AKAP12: variants seen among roughly 807,000 people sequenced by gnomAD.
AKAP12 encodes A-kinase anchoring protein 12.
Under a neutral mutation model 79.9 loss-of-function variants are expected in AKAP12, and 32 were observed. That is an observed-to-expected ratio of 0.40 (90% confidence interval 0.30 to 0.54). The LOEUF is 0.54. Among genes scored for constraint, AKAP12 ranks in the 20% least tolerant of loss-of-function variants. The pLI, the probability that AKAP12 is intolerant of heterozygous loss-of-function variation, is 0.48. For missense variants in AKAP12, 2,074 were observed against 2,177.0 expected, an observed-to-expected ratio of 0.95 and a Z score of 0.94; for synonymous variants, 808 against 857.0, an observed-to-expected ratio of 0.94 and a Z score of 1.00.
At chr6:151,314,787 G>A (rs1032994549) in intron 3 of AKAP12, among the ~76,000 whole-genome samples, 1 of 152,162 alleles carries the variant, frequency 6.6e-6, no homozygotes, top group Non-Finnish European at 1.5e-5. Flanking sequence ...GGGCACAGTG[G>A]CTCACGCCTG....
chr6:151,314,530 C>G (rs970737866), intron 3 of AKAP12, among the ~76,000 whole-genome samples: 1 of 152,094 alleles, frequency 6.6e-6, no homozygotes, highest in Non-Finnish European at 1.5e-5. Flanking sequence ...GACTGGCGGT[C>G]AGGACTATGT....
In AKAP12 at chr6:151,240,387, T is replaced by G; in HGVS notation, c.-176T>G. The G allele has an allele frequency of 3.6e-6, 2 of 562,400 alleles. No homozygotes were observed. Among genetic ancestry groups the G allele is most frequent in the South Asian group, 5.2e-5 (1 of 19,208 alleles). 34.8% of individuals were successfully genotyped at this position (562,400 alleles called of 1,614,324 possible). A position where few individuals can be genotyped will look rare whatever the true frequency, so the allele number is the denominator to read the frequency against. On this transcript the variant is annotated 5_prime_UTR_variant, in exon 2 of 5. Coordinates refer to ENST00000402676, the MANE Select transcript of AKAP12 (RefSeq NM_005100.4). Reference sequence around the variant, plus strand: ...TTTTTTTTCCTTTTCTTTTAAGGAGTTTGCCGCGAGCGCGTCTCCTTCATT... The same window carrying G: ...TTTTTTTTCCTTTTCTTTTAAGGAGGTTGCCGCGAGCGCGTCTCCTTCATT...
At chr6:151,282,442 G>T (rs937011420) in intron 2 of AKAP12, among the ~76,000 whole-genome samples, 3 of 152,068 alleles carry the variant, frequency 2.0e-5, no homozygotes, top group Non-Finnish European at 2.9e-5. Context: ...TCCAGCTCAC[G>T]CATGGGGGTT....
chr6:151,315,246 A>G (rs1019788644), intron 3 of AKAP12, among the ~76,000 whole-genome samples: 1 of 152,162 alleles, frequency 6.6e-6, no homozygotes, highest in Non-Finnish European at 1.5e-5. Flanking sequence ...TTTATTACTT[A>G]TAGTTCTGGA....
chr6:151,257,753 A>G (rs1478985389), intron 2 of AKAP12, among the ~76,000 whole-genome samples: 4 of 152,300 alleles, frequency 2.6e-5, no homozygotes, highest in African/African-American at 9.6e-5. Context: ...AATTTACAGT[A>G]TGTGGGAAGT....
chr6:151,352,141 G>A lies in AKAP12; in HGVS notation c.3750G>A (p.Val1250=), dbSNP rs1314122812. The change falls in exon 4 of 5, where the codon GTG becomes GTA. Residue 1250 remains valine (V), a synonymous_variant. Coordinates refer to ENST00000402676, the MANE Select transcript of AKAP12 (RefSeq NM_005100.4). ...CTCTAGAGCATACAGATAAAGAGGT[G>A]TCAGTGGAAACTGTATCCATTCTGT... The part of the protein sequence containing the change: ...EDTLEHTDKE[V]SVETVSILSK... The A allele has an allele frequency of 6.2e-7, 1 of 1,614,182 alleles. No homozygotes were observed. Among genetic ancestry groups the A allele is most frequent in the South Asian group, 1.1e-5 (1 of 91,080 alleles).
chr6:151,267,596 C>T (rs1016112251), intron 2 of AKAP12, among the ~76,000 whole-genome samples: 3 of 152,076 alleles, frequency 2.0e-5, no homozygotes, highest in African/African-American at 7.2e-5. Flanking sequence ...TTCAGAGCAC[C>T]AATCCATTTC....
rs767473708 is a variant in AKAP12 at position 151,305,922 on chromosome 6, AACTGGAAGGC to A, written c.319+22_319+31del. ...ACAGAGGGTAAGCCGCCCCTCCAGG[AACTGGAAGGC>A]ACACAGCACTTGCAACAAACTTTGG... On this transcript the variant is annotated intron_variant, in intron 3 of 4. Transcript: ENST00000402676. 6.3e-7 allele frequency: 1 copy of A among 1,590,442 alleles called. No individual in the cohort carries two copies. Among genetic ancestry groups the A allele is most frequent in the East Asian group, 2.3e-5 (1 of 43,900 alleles).
intron 3 of AKAP12, among the ~76,000 whole-genome samples, chr6:151,307,337 C>T (rs554670267): frequency 1.1e-4 from 17 of 152,258 alleles, no homozygotes; most frequent in East Asian, 1.9e-4. Context: ...CTCACTGTGC[C>T]GGGCAGGTTC....
intron 2 of AKAP12, among the ~76,000 whole-genome samples, chr6:151,253,905 TA>T (rs1797239742): frequency 6.6e-6 from 1 of 151,824 alleles, no homozygotes; most frequent in African/African-American, 2.4e-5. Flanking sequence ...GACGGGGTTT[TA>T]CCATGTTGGC....
At chr6:151,333,071 T>C (rs1309770586) in intron 3 of AKAP12, among the ~76,000 whole-genome samples, 1 of 152,176 alleles carries the variant, frequency 6.6e-6, no homozygotes, top group Admixed American at 6.5e-5. Flanking sequence ...AAATCAAAGA[T>C]GGAGCTTTTT....
At chr6:151,338,669 T>C (rs1377497009) in intron 3 of AKAP12, among the ~76,000 whole-genome samples, 1 of 152,170 alleles carries the variant, frequency 6.6e-6, no homozygotes, top group Non-Finnish European at 1.5e-5. Context: ...CAGGCTGGTC[T>C]CGAACTCCTG....
intron 2 of AKAP12, among the ~76,000 whole-genome samples, chr6:151,252,965 G>A (rs778690037): frequency 1.1e-4 from 16 of 152,110 alleles, no homozygotes; most frequent in Admixed American, 2.6e-4. Flanking sequence ...AGACATTTTC[G>A]CTTTGTAATT....
Position 151,357,923 on chromosome 6 carries a change from C to T in AKAP12, c.*2209C>T, listed in dbSNP as rs546968636. On this transcript the variant is annotated 3_prime_UTR_variant, in exon 5 of 5. Transcript: ENST00000402676. ...AATTGACGTTTTTGTTTAAATTCCA[C>T]CCGCGTTTGTCTTTTCCTACCACCT... The T allele has an allele frequency of 6.6e-6, 1 of 152,144 alleles. No individual in the cohort carries two copies. The highest frequency in any genetic ancestry group is 2.4e-5 in the African/African-American group (1 of 41,506). The allele number at this position is 152,144 out of a possible 1,614,324, so 9.4% of individuals were successfully genotyped here.
chr6:151,240,530 G>C lies in AKAP12; in HGVS notation c.-33G>C, dbSNP rs749467155. ...CTGCGGCTTGGGGAAGGCGTAACCC[G>C]GCGGCTAGGCGCGGGAGAAGTGCGG... is the stretch of plus-strand genomic sequence containing the variant. On this transcript the variant is annotated 5_prime_UTR_variant, in exon 2 of 5. Transcript: ENST00000402676. The C allele has an allele frequency of 1.1e-5, 16 of 1,413,766 alleles. No individual in the cohort carries two copies. Among genetic ancestry groups the C allele is most frequent in the South Asian group, 1.0e-4 (7 of 67,832 alleles). 87.6% of individuals were successfully genotyped at this position (1,413,766 alleles called of 1,614,324 possible).
rs1562709082 is a variant in AKAP12 at position 151,256,963 on chromosome 6, A to ATATATATATATATAT, written c.162+16239_162+16240insTATATATATATATAT. Among the ~76,000 whole-genome samples the ATATATATATATATAT allele has an allele frequency of 2.5e-4, 20 of 81,324 alleles. 1 individual carries two copies. The highest frequency in any genetic ancestry group is 1.5e-3 in the African/African-American group (20 of 13,564). 53.4% of individuals were successfully genotyped at this position (81,324 alleles called of 152,430 possible). ...CGCGCCCGGCCTATATATATATATA[A>ATATATATATATATAT]ACTTTAAATTAACCAAATATAGAGA... On this transcript the variant is annotated intron_variant, in intron 2 of 4. Coordinates refer to ENST00000402676, the MANE Select transcript of AKAP12 (RefSeq NM_005100.4).
chr6:151,300,890 T>G (rs1776851187), intron 2 of AKAP12, among the ~76,000 whole-genome samples: 2 of 152,188 alleles, frequency 1.3e-5, no homozygotes, highest in Admixed American at 1.3e-4. Context: ...AAATAGGTTT[T>G]CTGGTGCTTA....
In AKAP12 at chr6:151,349,179, A is replaced by G. The variant is rs1778202874; in HGVS notation, c.788A>G (p.Glu263Gly). The G allele has an allele frequency of 6.2e-7, 1 of 1,612,936 alleles. No homozygotes were observed. The highest frequency in any genetic ancestry group is 1.4e-5 in the African/African-American group (1 of 74,070). ...SPPAESGQAV[E>G]ECKEEGEEKQ... ...CCAGCCGAATCTGGCCAAGCAGTGG[A>G]GGAATGCAAAGAGGAAGGAGAAGAG... is the stretch of plus-strand genomic sequence containing the variant. Residue 263 changes from glutamate (E) to glycine (G), a missense_variant, in exon 4 of 5, where the codon GAG becomes GGG. Physicochemically the swap from Glu to Gly is moderately conservative, Grantham distance 98. Coordinates refer to ENST00000402676, the MANE Select transcript of AKAP12 (RefSeq NM_005100.4).
intron 3 of AKAP12, among the ~76,000 whole-genome samples, chr6:151,345,516 TG>T (rs530385753): frequency 3.5e-4 from 53 of 151,584 alleles, no homozygotes; most frequent in African/African-American, 1.3e-3. Flanking sequence ...AATTAGAGGC[TG>T]GGGGCAGTGG....
Sources: allele counts gnomAD v4.1 joint callset (sites outside exome capture counted in the v4.1 genomes callset), GRCh38; gene constraint gnomAD v4.1.1; transcripts MANE v1.5; gene names NCBI Gene and HGNC (gene_info 2026-07-23, HGNC 2026-07-21).